NEK5: variants seen among roughly 807,000 people sequenced by gnomAD.
NEK5 encodes the protein serine/threonine-protein kinase Nek5.
Under a neutral mutation model 109.2 loss-of-function variants are expected in NEK5, and 88 were observed. The observed-to-expected ratio is 0.81, with a 90% CI of 0.68 to 0.96. NEK5 has a LOEUF of 0.96. Among genes scored for constraint, NEK5 ranks in the 40% least tolerant of loss-of-function variants. NEK5 has a pLI of 0.00. For synonymous variants in NEK5, 283 were observed against 299.9 expected (o/e 0.94, Z 0.58); for missense variants, 834 against 920.7 (o/e 0.91, Z 1.22).
At chr13:52,076,189 T>C in intron 17 of NEK5, 46 bp from the exon 18 acceptor site, 1 of 1,037,904 alleles carries the variant, frequency 9.6e-7, no homozygotes, top group Non-Finnish European at 1.5e-6. Context: ...TATGTTTACA[T>C]GAGTTGATTT....
intron 17 of NEK5, among the ~76,000 whole-genome samples, chr13:52,083,008 A>T (rs560556631): frequency 6.6e-6 from 1 of 152,262 alleles, no homozygotes; most frequent in African/African-American, 2.4e-5. Flanking sequence ...TTAGCTGGGC[A>T]TGGTGGCGCA....
intron 23 of NEK5, among the ~76,000 whole-genome samples, chr13:52,043,032 A>G (rs1410924017): frequency 6.6e-6 from 1 of 152,098 alleles, no homozygotes; most frequent in Non-Finnish European, 1.5e-5. Flanking sequence ...TATAAGAAAT[A>G]CAGCATAACA....
chr13:52,100,040 A>G (rs1955498777), intron 11 of NEK5, among the ~76,000 whole-genome samples, 164 bp from the exon 12 acceptor site: 2 of 152,210 alleles, frequency 1.3e-5, no homozygotes, highest in Non-Finnish European at 2.9e-5. Context: ...AAAAATTAAT[A>G]TGCAATTTCT....
In NEK5 at chr13:52,112,341, A is replaced by G; in HGVS notation, c.239T>C (p.Met80Thr). 7 of 1,607,572 alleles carry G rather than the reference A, an allele frequency of 4.4e-6. No individual in the cohort carries two copies. The highest frequency in any genetic ancestry group is 6.0e-6 in the Non-Finnish European group (7 of 1,174,308). Residue 80 changes from methionine (M) to threonine (T), a missense_variant, in exon 5 of 24, where the codon ATG becomes ACG. Physicochemically the swap from Met to Thr is moderately conservative, Grantham distance 81 (BLOSUM62 -1). Coordinates refer to ENST00000684899, the MANE Select transcript of NEK5 (RefSeq NM_001365552.1). ...GAGATCCCCTCCATCACAATATTCCATTACAATAAACAGCCTGCCATTCTC... is the reference window on the plus strand; with the variant it reads ...GAGATCCCCTCCATCACAATATTCCGTTACAATAAACAGCCTGCCATTCTC... ...FQENGRLFIV[M>T]EYCDGGDLMK... is the part of the protein sequence containing the mutation.
intron 17 of NEK5, among the ~76,000 whole-genome samples, chr13:52,078,922 A>G (rs1954918351): frequency 6.6e-6 from 1 of 152,242 alleles, no homozygotes; most frequent in South Asian, 2.1e-4. Context: ...CAGACAACCA[A>G]CTTCACAAAT....
chr13:52,116,615 G>C (rs1427286718), intron 4 of NEK5, among the ~76,000 whole-genome samples: 1 of 152,222 alleles, frequency 6.6e-6, no homozygotes, highest in Non-Finnish European at 1.5e-5. Context: ...AGAGAATCCA[G>C]CTAAGCCAAC....
intron 12 of NEK5, among the ~76,000 whole-genome samples, chr13:52,094,624 A>G (rs1046217590): frequency 4.6e-5 from 7 of 152,182 alleles, no homozygotes; most frequent in Non-Finnish European, 1.0e-4. Flanking sequence ...TCTACTAAAA[A>G]CACAAAAACA....
At chr13:52,055,114 G>A (rs1262739001) in intron 22 of NEK5, among the ~76,000 whole-genome samples, 2 of 152,190 alleles carry the variant, frequency 1.3e-5, no homozygotes, top group African/African-American at 4.8e-5. Context: ...AGGAGCTGAT[G>A]GAGCTGAAAA....
intron 23 of NEK5, among the ~76,000 whole-genome samples, chr13:52,043,536 CAA>C (rs559454334): frequency 2.1e-4 from 11 of 51,246 alleles, no homozygotes; most frequent in Non-Finnish European, 2.4e-4. Context: ...GACTCCATCT[CAA>C]AAAAAAAAAA....
intron 23 of NEK5, among the ~76,000 whole-genome samples, chr13:52,039,116 A>G (rs1246219203): frequency 6.6e-6 from 1 of 152,318 alleles, no homozygotes; most frequent in South Asian, 2.1e-4. Flanking sequence ...GTTTTTCCTA[A>G]GAAAAAGAAG....
At chr13:52,054,325 T>C (rs946430687) in intron 22 of NEK5, among the ~76,000 whole-genome samples, 3 of 152,208 alleles carry the variant, frequency 2.0e-5, no homozygotes, top group Admixed American at 6.5e-5. Context: ...AAGAGGTTTT[T>C]GTTTGTTTGT....
At chr13:52,077,041 G>A (rs1268692321) in intron 17 of NEK5, among the ~76,000 whole-genome samples, 2 of 152,204 alleles carry the variant, frequency 1.3e-5, no homozygotes, top group African/African-American at 4.8e-5. Flanking sequence ...AGTAATACAG[G>A]CAAAGCTTAT....
intron 20 of NEK5, among the ~76,000 whole-genome samples, chr13:52,067,845 C>T (rs570802617): frequency 6.6e-6 from 1 of 152,020 alleles, no homozygotes; most frequent in Non-Finnish European, 1.5e-5. Flanking sequence ...GTGTGCACCA[C>T]CACACCTGGC....
rs1954494883 is a variant in NEK5, at chr13:52,050,595, A to G, written c.2111-374T>C. On this transcript the variant is annotated intron_variant, in intron 22 of 23. Transcript: ENST00000684899. ...AATGCCTGTAGGGAAAACCCAAAGC[A>G]CACACACACCTTCATCTTTTTTTTT... Among the ~76,000 whole-genome samples the G allele has an allele frequency of 2.8e-5, 4 of 144,772 alleles. No homozygotes were observed. In the South Asian group the frequency reaches 8.8e-4, roughly 32 times the overall value. The allele number at this position is 144,772 out of a possible 152,430, so 95.0% of individuals were successfully genotyped here.
In NEK5 at chr13:52,066,325, T is replaced by C. The variant is rs538541780; in HGVS notation, c.1850-716A>G. Reference sequence around the variant, plus strand: ...ATAATACCATTATATAATGACCTCATTTGTAGCTAAATTTTTGTGGACATT... The same window carrying C: ...ATAATACCATTATATAATGACCTCACTTGTAGCTAAATTTTTGTGGACATT... On this transcript the variant is annotated intron_variant, in intron 20 of 23. Transcript: ENST00000684899. Among the ~76,000 whole-genome samples, 40 of 152,338 alleles carry C rather than the reference T, an allele frequency of 2.6e-4. No homozygotes were observed. The South Asian group carries it at 8.3e-3, about 32-fold the overall frequency.
chr13:52,080,135 T>G (rs1385300699), intron 17 of NEK5, among the ~76,000 whole-genome samples: 1 of 149,028 alleles, frequency 6.7e-6, no homozygotes, highest in Non-Finnish European at 1.5e-5. Flanking sequence ...GAGGAGCGTC[T>G]CCGCCCGGCA....
At position 52,102,183 on chromosome 13, in the gene NEK5, AAG is replaced by A. The variant is rs1955551241; in HGVS notation, c.717_718del (p.Phe240SerfsTer30). The A allele has an allele frequency of 6.2e-7, 1 of 1,613,840 alleles. No homozygotes were observed. ...TGGTCGGTCTCGAGGAGATACTTGA[AAG>A]AGCTGAGATATCAAGGAATGGAGCT... On this transcript the variant is annotated frameshift_variant, in exon 10 of 24. Coordinates refer to ENST00000684899, the MANE Select transcript of NEK5 (RefSeq NM_001365552.1). LOFTEE classifies it high-confidence loss of function.
In NEK5 at chr13:52,127,464, T is replaced by C; in HGVS notation, c.19A>G (p.Ile7Val). The change falls in exon 3 of 24, where the codon ATT (isoleucine) becomes GTT (valine). Residue 7 changes from isoleucine to valine, a missense_variant. Coordinates refer to ENST00000684899, the MANE Select transcript of NEK5 (RefSeq NM_001365552.1). ...AAGGCACCTTGCCCGATGGCCTTAATCACATCGTACTTATCCATGGTCTCC... is the reference window on the plus strand; with the variant it reads ...AAGGCACCTTGCCCGATGGCCTTAACCACATCGTACTTATCCATGGTCTCC... MDKYDV[I>V]KAIGQGAFGK... 6.2e-7 allele frequency: 1 copy of C among 1,606,574 alleles called. No homozygotes were observed. The highest frequency in any genetic ancestry group is 8.5e-7 in the Non-Finnish European group (1 of 1,173,120).
At chr13:52,062,095 T>C (rs1009246755) in intron 21 of NEK5, 142 bp from the exon 22 acceptor site, 1 of 152,542 alleles carries the variant, frequency 6.6e-6, no homozygotes, top group African/African-American at 2.4e-5. Context: ...AAAAGTTTAG[T>C]GACTTCTTGT....
Sources: allele counts gnomAD v4.1 joint callset (sites outside exome capture counted in the v4.1 genomes callset), GRCh38; gene constraint gnomAD v4.1.1; transcripts MANE v1.5; gene names NCBI Gene and HGNC (gene_info 2026-07-23, HGNC 2026-07-21).